KMT2E: variants seen among roughly 807,000 people sequenced by gnomAD.
KMT2E encodes the protein lysine methyltransferase 2E (inactive), also known as histone reader KMT2E.
A neutral mutation model predicts 184.6 loss-of-function variants in KMT2E; 30 were observed. The observed-to-expected ratio is 0.16, with a 90% CI of 0.12 to 0.22. The LOEUF is 0.22. KMT2E is among the 10% of genes least tolerant of loss of function. The pLI, the probability that KMT2E is intolerant of heterozygous loss-of-function variation, is 1.00. For missense variants in KMT2E, 2,023 were observed against 2,237.4 expected, an observed-to-expected ratio of 0.90 and a Z score of 1.93; for synonymous variants, 815 against 776.5, an observed-to-expected ratio of 1.05 and a Z score of -0.82.
At chr7:105,058,336 T>C (rs927127882) in intron 3 of KMT2E, among the ~76,000 whole-genome samples, 2 of 152,214 alleles carry the variant, frequency 1.3e-5, no homozygotes, top group South Asian at 4.1e-4. Context: ...CTCCTAATGA[T>C]GATATTAATG....
At chr7:105,059,983 T>TTTG (rs1796738927) in intron 3 of KMT2E, among the ~76,000 whole-genome samples, 1 of 32,510 alleles carries the variant, frequency 3.1e-5, no homozygotes, top group African/African-American at 2.3e-4. Flanking sequence ...TTGTTGTTTT[T>TTTG]TTTTTTTTTT....
chr7:105,071,608 A>ATATATT (rs1304883029), intron 6 of KMT2E, among the ~76,000 whole-genome samples: 3 of 31,880 alleles, frequency 9.4e-5, no homozygotes, highest in Admixed American at 5.1e-4. Flanking sequence ...ATATATATAT[A>ATATATT]TTTTTTTTTT....
intron 6 of KMT2E, among the ~76,000 whole-genome samples, chr7:105,072,181 G>A (rs549628747): frequency 2.0e-5 from 3 of 152,202 alleles, no homozygotes; most frequent in Non-Finnish European, 4.4e-5. Context: ...AGCCAGGTGT[G>A]GTGGCGGGCG....
chr7:105,014,620 C>T (rs1794631435), intron 1 of KMT2E, 85 bp downstream of exon 1: 1 of 152,120 alleles, frequency 6.6e-6, no homozygotes, highest in African/African-American at 2.4e-5. Flanking sequence ...GGTCTCTCAT[C>T]TTTATCCTTA....
chr7:105,033,008 G>A (rs552988049), intron 1 of KMT2E, among the ~76,000 whole-genome samples: 1 of 152,308 alleles, frequency 6.6e-6, no homozygotes, highest in South Asian at 2.1e-4. Flanking sequence ...GTGAGAGGGT[G>A]TACAGGTGTG....
intron 11 of KMT2E, 22 bp from the exon 12 acceptor site, chr7:105,078,824 T>G: frequency 7.3e-7 from 1 of 1,362,142 alleles, no homozygotes; most frequent in Non-Finnish European, 1.0e-6. Context: ...GTTAATAGCT[T>G]ATAATGTTTC....
At chr7:105,090,468 G>T (rs1798156691) in intron 14 of KMT2E, among the ~76,000 whole-genome samples, 195 bp downstream of exon 14, 1 of 152,148 alleles carries the variant, frequency 6.6e-6, no homozygotes, top group East Asian at 1.9e-4. Context: ...TTAAGAAACA[G>T]CTCAGCAAGC....
At chr7:105,058,049 T>G (rs1796645311) in intron 3 of KMT2E, among the ~76,000 whole-genome samples, 1 of 152,190 alleles carries the variant, frequency 6.6e-6, no homozygotes, top group Non-Finnish European at 1.5e-5. Context: ...TTTTCCTTTG[T>G]GCTGTAGACC....
intron 15 of KMT2E, 109 bp downstream of exon 15, chr7:105,091,423 T>C (rs528932907): frequency 2.8e-6 from 2 of 722,780 alleles, no homozygotes; most frequent in East Asian, 5.3e-5. Context: ...TAGCGAATGA[T>C]GTGCCATTGA....
intron 19 of KMT2E, 96 bp downstream of exon 19, chr7:105,106,099 T>C (rs1302213761): frequency 2.5e-6 from 3 of 1,223,822 alleles, no homozygotes; most frequent in South Asian, 1.5e-5. Context: ...GTATGCACTT[T>C]AGAAGAGAAG....
intron 16 of KMT2E, 51 bp from the exon 17 acceptor site, chr7:105,101,835 C>CT: frequency 7.3e-7 from 1 of 1,360,816 alleles, no homozygotes; most frequent in Non-Finnish European, 1.0e-6. Flanking sequence ...TATATTTAAA[C>CT]TTTATATATA....
chr7:105,034,045 A>G (rs182103311), intron 1 of KMT2E, among the ~76,000 whole-genome samples: 9 of 152,300 alleles, frequency 5.9e-5, no homozygotes, highest in African/African-American at 2.2e-4. Context: ...CGGGGCCCTC[A>G]TGATCCAGAC....
At chr7:105,042,931 A>G (rs1446129203) in intron 3 of KMT2E, among the ~76,000 whole-genome samples, 2 of 152,210 alleles carry the variant, frequency 1.3e-5, no homozygotes, top group Admixed American at 6.5e-5. Context: ...CTATGGTTAT[A>G]TTATTGAAAT....
At chr7:105,071,606 ATATTTTTTTTTTTT>A (rs1160071886) in intron 6 of KMT2E, among the ~76,000 whole-genome samples, 1 of 58,714 alleles carries the variant, frequency 1.7e-5, no homozygotes, top group African/African-American at 7.7e-5. Flanking sequence ...ATATATATAT[ATATTTTTTTTTTTT>A]TTTTTTTTTT....
intron 3 of KMT2E, among the ~76,000 whole-genome samples, chr7:105,050,258 A>G (rs1389073358): frequency 2.0e-5 from 3 of 152,182 alleles, no homozygotes; most frequent in Non-Finnish European, 4.4e-5. Context: ...TTTGATGTAA[A>G]TAATCATCCC....
intron 17 of KMT2E, 169 bp downstream of exon 17, chr7:105,102,363 A>C: frequency 3.8e-6 from 2 of 529,890 alleles, no homozygotes; most frequent in Non-Finnish European, 6.4e-6. Context: ...AATTAATATA[A>C]ATGTTTGCAT....
At chr7:105,105,791 T>G (rs1798872924) in intron 18 of KMT2E, 68 bp from the exon 19 acceptor site, 1 of 1,566,880 alleles carries the variant, frequency 6.4e-7, no homozygotes, top group Non-Finnish European at 8.6e-7. Flanking sequence ...GAATCGGCTC[T>G]GTATTTACAG....
At chr7:105,025,730 A>G (rs781288011) in intron 1 of KMT2E, among the ~76,000 whole-genome samples, 2 of 152,218 alleles carry the variant, frequency 1.3e-5, no homozygotes, top group Non-Finnish European at 2.9e-5. Flanking sequence ...ACGTAAACCA[A>G]TGATAAATGA....
chr7:105,044,212 A>T (rs1796005516), intron 3 of KMT2E, among the ~76,000 whole-genome samples: 1 of 152,104 alleles, frequency 6.6e-6, no homozygotes, highest in Non-Finnish European at 1.5e-5. Flanking sequence ...ACCAGAATTT[A>T]GGCTTTGGGT....
Sources: allele counts gnomAD v4.1 joint callset (sites outside exome capture counted in the v4.1 genomes callset), GRCh38; gene constraint gnomAD v4.1.1; transcripts MANE v1.5; gene names NCBI Gene and HGNC (gene_info 2026-07-23, HGNC 2026-07-21).